DIDO1: variants seen among roughly 807,000 people sequenced by gnomAD.
The protein encoded by DIDO1 is death-inducer obliterator 1.
Under a neutral mutation model 99.4 loss-of-function variants are expected in DIDO1, and 16 were observed. The ratio of observed to expected loss-of-function variants is 0.16; its 90% CI spans 0.11 to 0.24. The LOEUF (loss-of-function observed/expected upper bound fraction) is 0.24, where lower values mean the gene tolerates loss of function less well. Among genes scored for constraint, DIDO1 ranks in the 10% least tolerant of loss-of-function variants. The pLI is 1.00. For missense variants in DIDO1, 2,996 were observed against 3,014.0 expected, an observed-to-expected ratio of 0.99 and a Z score of 0.14; for synonymous variants, 1,366 against 1,239.1, an observed-to-expected ratio of 1.10 and a Z score of -2.15.
In DIDO1 at chr20:62,894,182, G is replaced by C. The variant is rs1330239181; in HGVS notation, c.2585C>G (p.Ser862Cys). Residue 862 changes from serine to cysteine, a missense_variant, in exon 12 of 16, where the codon TCC becomes TGC. By Grantham distance (112) the Ser-to-Cys change is moderately radical. This residue lies in a region of DIDO1 where 898 missense variants were observed against 972.7 expected (regional missense o/e 0.92). Transcript: ENST00000395343. The surrounding 1 kb of genome is among the most constrained non-coding windows in gnomAD (Gnocchi z 4.4). ...TTTCGGAGCTGGCTCATCTTCTGCG[G>C]AGGGAACCTGGCCTGAAGAAGGCGA... ...NCKICTGQVP[S>C]AEDEPAPKKQ... The C allele has an allele frequency of 2.5e-6, 4 of 1,613,150 alleles. No homozygotes were observed. Among genetic ancestry groups the C allele is most frequent in the Non-Finnish European group, 3.4e-6 (4 of 1,179,384 alleles).
At chr20:62,888,773 C>G in intron 15 of DIDO1, 11 of 985,452 alleles carry the variant, frequency 1.1e-5, no homozygotes, top group Non-Finnish European at 1.3e-5. Flanking sequence ...GTGAAGCGGG[C>G]CGAGTACCCG....
chr20:62,933,942 C>T (rs1438148751), intron 1 of DIDO1, among the ~76,000 whole-genome samples: 1 of 152,200 alleles, frequency 6.6e-6, no homozygotes, highest in Non-Finnish European at 1.5e-5. Flanking sequence ...TATGAAACAA[C>T]TCAAGTTCAA....
intron 15 of DIDO1, among the ~76,000 whole-genome samples, chr20:62,884,485 C>T (rs2064266795): frequency 6.6e-6 from 1 of 152,236 alleles, no homozygotes; most frequent in South Asian, 2.1e-4. Context: ...GGTGCTCACA[C>T]TACAGATTTT....
chr20:62,894,200 G>A lies in DIDO1; in HGVS notation c.2573-6C>T. The A allele has an allele frequency of 6.2e-7, 1 of 1,609,006 alleles. No homozygotes were observed. Among genetic ancestry groups the A allele is most frequent in the South Asian group, 1.1e-5 (1 of 91,006 alleles). Reference sequence around the variant, plus strand: ...TTCTGCGGAGGGAACCTGGCCTGAAGAAGGCGAGGAAAGGCTCTGTGAGAA... The same window carrying A: ...TTCTGCGGAGGGAACCTGGCCTGAAAAAGGCGAGGAAAGGCTCTGTGAGAA... On this transcript the variant is annotated splice_polypyrimidine_tract_variant and splice_region_variant and intron_variant, in intron 11 of 15. Coordinates refer to ENST00000395343, the MANE Select transcript of DIDO1 (RefSeq NM_001193369.2). The surrounding 1 kb of genome is among the most constrained non-coding windows in gnomAD (Gnocchi z 4.4).
At position 62,896,778 on chromosome 20, in the gene DIDO1, T is replaced by G; in HGVS notation, c.1807A>C (p.Thr603Pro). 1.9e-6 allele frequency: 3 copies of G among 1,613,992 alleles called. No homozygotes were observed. Among genetic ancestry groups the G allele is most frequent in the Non-Finnish European group, 2.5e-6 (3 of 1,180,004 alleles). Reference protein sequence around the residue: ...TIPKRPWLSATPSSGASAARQ... With the variant: ...TIPKRPWLSAPPSSGASAARQ... ...GCAGCTGAAGCACCACTCGATGGGG[T>G]AGCGGAGAGCCATGGCCTCTTGGGG... The change falls in exon 7 of 16, where the codon ACC becomes CCC. Residue 603 changes from threonine (T) to proline (P), a missense_variant. Physicochemically the swap from Thr to Pro is conservative, Grantham distance 38. Around this residue, in one of 5 missense-constraint regions of DIDO1, gnomAD observed 898 missense variants for 972.7 expected, o/e 0.92. Coordinates refer to ENST00000395343, the MANE Select transcript of DIDO1 (RefSeq NM_001193369.2). This position sits in a 1 kb window ranked among gnomAD's most constrained non-coding sequence, Gnocchi z 4.4.
chr20:62,922,512 G>T (rs1482497753), intron 1 of DIDO1, among the ~76,000 whole-genome samples: 2 of 152,072 alleles, frequency 1.3e-5, no homozygotes, highest in Non-Finnish European at 2.9e-5. Flanking sequence ...GGGGTGGGGG[G>T]GTACAGTGTA....
In DIDO1 at chr20:62,893,941, C is replaced by A. The variant is rs528994429; in HGVS notation, c.2826G>T (p.Pro942=). Reference sequence around the variant, plus strand: ...CTGGGCAGGGGGACAGGTCTTCCAGCGGGGAGGGCTCGGGATGGCCATCTC... The same window carrying A: ...CTGGGCAGGGGGACAGGTCTTCCAGAGGGGAGGGCTCGGGATGGCCATCTC... ...PPGDGHPEPS[P]LEDLSPCPAS... is the part of the protein sequence containing the mutation. Residue 942 remains proline (P), a synonymous_variant, in exon 12 of 16, where the codon CCG becomes CCT. Transcript: ENST00000395343. 12 of 1,611,982 alleles carry A rather than the reference C, an allele frequency of 7.4e-6. No individual in the cohort carries two copies. The East Asian group carries it at 2.5e-4, about 33-fold the overall frequency.
At chr20:62,910,602 G>A (rs942652007) in intron 3 of DIDO1, among the ~76,000 whole-genome samples, 172 bp downstream of exon 3, 2 of 152,232 alleles carry the variant, frequency 1.3e-5, no homozygotes, top group African/African-American at 4.8e-5. Context: ...AGAGTGGAGA[G>A]GTGGCTCTAG....
rs1454162920 is a variant in DIDO1 at position 62,911,902 on chromosome 20, A to G, written c.-2-288T>C. On this transcript the variant is annotated intron_variant, in intron 2 of 15. Transcript: ENST00000395343. This position sits in a 1 kb window ranked among gnomAD's most constrained non-coding sequence, Gnocchi z 7.0. ...TGCTCAGGACAAGGCTTCACAAGCC[A>G]GACAGTAGGGACAAATAGGAAATAT... 6.6e-6 allele frequency among the ~76,000 whole-genome samples: 1 copy of G among 152,270 alleles called. No individual in the cohort carries two copies. The highest frequency in any genetic ancestry group is 1.5e-5 in the Non-Finnish European group (1 of 68,048).
At chr20:62,900,126 C>A (rs1408518327) in intron 6 of DIDO1, among the ~76,000 whole-genome samples, 1 of 152,220 alleles carries the variant, frequency 6.6e-6, no homozygotes, top group South Asian at 2.1e-4. Context: ...CCCCTGGGGG[C>A]AGCAGTGGTG....
At chr20:62,922,226 A>AG (rs1233716381) in intron 1 of DIDO1, among the ~76,000 whole-genome samples, 1 of 90,746 alleles carries the variant, frequency 1.1e-5, no homozygotes, top group Non-Finnish European at 2.3e-5. Context: ...ATATACACAC[A>AG]CACACATATA....
chr20:62,896,413 G>A lies in DIDO1; in HGVS notation c.2055-21C>T. The A allele has an allele frequency of 6.2e-7, 1 of 1,605,350 alleles. No homozygotes were observed. The highest frequency in any genetic ancestry group is 8.5e-7 in the Non-Finnish European group (1 of 1,177,970). On this transcript the variant is annotated intron_variant, in intron 7 of 15. Transcript: ENST00000395343. This position sits in a 1 kb window ranked among gnomAD's most constrained non-coding sequence, Gnocchi z 4.4. ...TGACTCTGAACAGAATAAAAAAAAG[G>A]AACTACATAAGACACTTGTGTATAT...
rs1388127034 is a variant in DIDO1, at chr20:62,881,939, G to A, written c.4017C>T (p.Thr1339=). Residue 1339 remains threonine (T), a synonymous_variant, in exon 16 of 16, where the codon ACC becomes ACT. Transcript: ENST00000395343. This position sits in a 1 kb window ranked among gnomAD's most constrained non-coding sequence, Gnocchi z 8.3. ...TTTTGGGCTCCTGGGGGAGACCTGC[G>A]GTGGACCCGGGAGGCTCTCTGGCGG... ...DPSAREPPGS[T]AGLPQEPKTT... is the part of the protein sequence containing the mutation. 1.9e-6 allele frequency: 3 copies of A among 1,613,250 alleles called. No individual in the cohort carries two copies. Among genetic ancestry groups the A allele is most frequent in the Non-Finnish European group, 2.5e-6 (3 of 1,180,044 alleles).
chr20:62,926,011 G>A (rs1039433661), intron 1 of DIDO1, among the ~76,000 whole-genome samples: 3 of 152,112 alleles, frequency 2.0e-5, no homozygotes, highest in African/African-American at 7.2e-5. Context: ...CGAGGTCCCC[G>A]AGAATGCCTA....
intron 6 of DIDO1, among the ~76,000 whole-genome samples, chr20:62,904,780 C>CAAAAAAAAAAAAA (rs58039393): frequency 0.015 from 960 of 62,524 alleles, 70 homozygotes; most frequent in Non-Finnish European, 0.024. Context: ...ACTCTTGTCT[C>CAAAAAAAAAAAAA]AAAAAAAAAA....
At chr20:62,887,750 C>G (rs1219510281) in intron 15 of DIDO1, 1 of 985,380 alleles carries the variant, frequency 1.0e-6, no homozygotes, top group African/African-American at 1.7e-5. Context: ...TGAACAAGGC[C>G]CTGAGACAGG....
At chr20:62,921,103 C>T (rs1212554907) in intron 1 of DIDO1, among the ~76,000 whole-genome samples, 2 of 152,134 alleles carry the variant, frequency 1.3e-5, no homozygotes, top group African/African-American at 2.4e-5. Context: ...ACCATGTTGG[C>T]CAGGCTGGTC....
intron 15 of DIDO1, among the ~76,000 whole-genome samples, chr20:62,886,791 C>A (rs2064303747): frequency 6.6e-6 from 1 of 152,194 alleles, no homozygotes; most frequent in Non-Finnish European, 1.5e-5. Flanking sequence ...AATGTTCACA[C>A]CTGCTGGAAC....
intron 1 of DIDO1, among the ~76,000 whole-genome samples, chr20:62,937,191 A>T (rs967776396): frequency 1.3e-5 from 2 of 152,238 alleles, no homozygotes; most frequent in East Asian, 3.8e-4. Context: ...TGAAATCAGG[A>T]GCTGCCCCTC....
Sources: gnomAD v4.1 joint callset for allele counts (sites outside exome capture counted in the v4.1 genomes callset) on GRCh38, gnomAD v4.1.1 for gene constraint, gnomAD v4.1.1 regional missense constraint, Gnocchi (gnomAD v3.1) non-coding constraint, MANE v1.5 for transcripts, NCBI Gene and HGNC (gene_info 2026-07-23, HGNC 2026-07-21) for gene names.